Variants in TMEM207 observed in about 807,000 individuals in gnomAD.
TMEM207 encodes transmembrane protein 207.
In TMEM207, 15 loss-of-function variants were observed where a neutral mutation model predicts 17.4. The ratio of observed to expected loss-of-function variants is 0.86; its 90% CI spans 0.58 to 1.33. The LOEUF (loss-of-function observed/expected upper bound fraction) is 1.33. Among genes scored for constraint, TMEM207 ranks in the 40% most tolerant of loss-of-function variants. The probability of loss-of-function intolerance (pLI) is 0.00; values close to 1 mark genes in which losing one functional copy is unlikely to be tolerated. For missense variants in TMEM207, 205 were observed against 173.8 expected (o/e 1.18, Z -1.01); for synonymous variants, 70 against 65.6 (o/e 1.07, Z -0.33).
chr3:190,442,845 G>GT (rs2108537454), intron 2 of TMEM207, among the ~76,000 whole-genome samples: 1 of 152,276 alleles, frequency 6.6e-6, no homozygotes, highest in South Asian at 2.1e-4. Context: ...ACATAAAATA[G>GT]TATAGAGACT....
intron 4 of TMEM207, among the ~76,000 whole-genome samples, chr3:190,432,511 T>G (rs2108531597): frequency 6.6e-6 from 1 of 152,356 alleles, no homozygotes; most frequent in East Asian, 1.9e-4. Flanking sequence ...GAGTCATTAC[T>G]ATTATCATGT....
chr3:190,447,701 T>G (rs1720080011), intron 2 of TMEM207, 89 bp downstream of exon 2: 2 of 1,333,002 alleles, frequency 1.5e-6, no homozygotes, highest in Non-Finnish European at 2.1e-6. Flanking sequence ...GAAACTCAAC[T>G]GGGCTTTTTC....
chr3:190,439,454 TC>T (rs1319534585), intron 4 of TMEM207, among the ~76,000 whole-genome samples: 2 of 152,180 alleles, frequency 1.3e-5, no homozygotes, highest in Non-Finnish European at 2.9e-5. Flanking sequence ...TGTTAAGCGC[TC>T]CCGAGGTAAC....
chr3:190,433,350 T>C (rs1363764598), intron 4 of TMEM207, among the ~76,000 whole-genome samples: 1 of 152,180 alleles, frequency 6.6e-6, no homozygotes, highest in Non-Finnish European at 1.5e-5. Flanking sequence ...CTTTCATTTT[T>C]AATAAACTCC....
At chr3:190,440,624 T>G (rs1235805680) in intron 3 of TMEM207, among the ~76,000 whole-genome samples, 1 of 152,198 alleles carries the variant, frequency 6.6e-6, no homozygotes, top group Non-Finnish European at 1.5e-5. Context: ...ATTTTCTCCT[T>G]AGAAATTGGA....
intron 4 of TMEM207, among the ~76,000 whole-genome samples, chr3:190,436,059 G>C (rs1719797586): frequency 6.6e-6 from 1 of 152,206 alleles, no homozygotes; most frequent in Non-Finnish European, 1.5e-5. Context: ...AGTTTCCTCT[G>C]AGTTCTGCTC....
At chr3:190,439,169 T>C (rs1577445265) in intron 4 of TMEM207, among the ~76,000 whole-genome samples, 1 of 104,856 alleles carries the variant, frequency 9.5e-6, no homozygotes, top group African/African-American at 3.9e-5. Flanking sequence ...AGAGCGAGAC[T>C]CCGTCTCAAA....
chr3:190,447,135 A>G (rs1720068712), intron 2 of TMEM207, among the ~76,000 whole-genome samples: 1 of 152,066 alleles, frequency 6.6e-6, no homozygotes, highest in Non-Finnish European at 1.5e-5. Context: ...GAAGACTGAA[A>G]ACAGCTGCTA....
intron 1 of TMEM207, among the ~76,000 whole-genome samples, chr3:190,448,267 C>T (rs1720093032): frequency 6.6e-6 from 1 of 151,956 alleles, no homozygotes; most frequent in Non-Finnish European, 1.5e-5. Context: ...AGCCTATTAG[C>T]ATTAATGGGC....
At chr3:190,449,383 T>C (rs1019118653) in intron 1 of TMEM207, among the ~76,000 whole-genome samples, 1 of 152,218 alleles carries the variant, frequency 6.6e-6, no homozygotes, top group African/African-American at 2.4e-5. Flanking sequence ...TTGTAGGCAA[T>C]AGTAAACATG....
At chr3:190,440,210 CA>C in intron 4 of TMEM207, 33 bp downstream of exon 4, 2 of 1,577,578 alleles carry the variant, frequency 1.3e-6, no homozygotes, top group Non-Finnish European at 1.7e-6. Flanking sequence ...CACAAAGTAT[CA>C]AAAAAGAGTC....
At position 190,429,042 on chromosome 3, in the gene TMEM207, T is replaced by C. The variant is rs1332960950; in HGVS notation, c.*553A>G. On this transcript the variant is annotated 3_prime_UTR_variant, in exon 5 of 5. Coordinates refer to ENST00000354905, the MANE Select transcript of TMEM207 (RefSeq NM_207316.3). ...AGGTTGGGGCATAAAACCTCTTGTT[T>C]TTGCTGAGACTTGTAATCTTTTCCT... 1.4e-5 allele frequency: 1 copy of C among 73,922 alleles called. No individual in the cohort carries two copies. The highest frequency in any genetic ancestry group is 2.4e-5 in the Non-Finnish European group (1 of 41,996). The allele number at this position is 73,922 out of a possible 1,614,324, so 4.6% of individuals were successfully genotyped here. A position where few individuals can be genotyped will look rare whatever the true frequency, so the allele number is the denominator to read the frequency against.
chr3:190,438,622 GT>G (rs1266910176), intron 4 of TMEM207, among the ~76,000 whole-genome samples: 1 of 152,132 alleles, frequency 6.6e-6, no homozygotes, highest in African/African-American at 2.4e-5. Context: ...CGAGGAAAAG[GT>G]CTTTCTTGAA....
chr3:190,444,517 A>C, intron 2 of TMEM207: 1 of 470,048 alleles, frequency 2.1e-6, no homozygotes, highest in Non-Finnish European at 2.7e-6. Context: ...AAAAAAAAAA[A>C]ATAGAAATGA....
chr3:190,441,311 A>T, intron 3 of TMEM207, 127 bp downstream of exon 3: 1 of 717,192 alleles, frequency 1.4e-6, no homozygotes, highest in Admixed American at 3.0e-5. Flanking sequence ...TGATGTTTCT[A>T]TATTCATTTG....
At chr3:190,432,431 G>A (rs1391092751) in intron 4 of TMEM207, among the ~76,000 whole-genome samples, 1 of 152,146 alleles carries the variant, frequency 6.6e-6, no homozygotes, top group Non-Finnish European at 1.5e-5. Context: ...GAGTGGTAAG[G>A]AAGAATAAAT....
chr3:190,441,501 C>G lies in TMEM207; in HGVS notation c.114-19G>C, dbSNP rs113181221. The G allele has an allele frequency of 4.0e-4, 650 of 1,606,056 alleles. 4 individuals are homozygous for G. The African/African-American group carries it at 7.8e-3, about 19-fold the overall frequency. On this transcript the variant is annotated intron_variant, in intron 2 of 4. Transcript: ENST00000354905. ...TACACACCTGGTGATAAAGGGAGAG[C>G]GTTAGTCCTGGAACTCAGGATAGCC...
chr3:190,441,822 A>G (rs1016399257), intron 2 of TMEM207, among the ~76,000 whole-genome samples: 1 of 152,248 alleles, frequency 6.6e-6, no homozygotes, highest in Admixed American at 6.5e-5. Flanking sequence ...GGTGTTTGGT[A>G]TTAGGTAGAT....
chr3:190,444,197 T>C (rs1719996633), intron 2 of TMEM207, among the ~76,000 whole-genome samples: 1 of 152,220 alleles, frequency 6.6e-6, no homozygotes, highest in Non-Finnish European at 1.5e-5. Context: ...TAACTTCATG[T>C]GAAATAACGG....
Sources: allele counts gnomAD v4.1 joint callset (sites outside exome capture counted in the v4.1 genomes callset), GRCh38; gene constraint gnomAD v4.1.1; transcripts MANE v1.5; gene names NCBI Gene and HGNC (gene_info 2026-07-23, HGNC 2026-07-21).